DNM1: variants seen among roughly 807,000 people sequenced by gnomAD.
The protein encoded by DNM1 is dynamin 1.
A neutral mutation model predicts 104.6 loss-of-function variants in DNM1; 29 were observed. That is an observed-to-expected ratio of 0.28 (90% CI 0.21 to 0.38). The LOEUF (loss-of-function observed/expected upper bound fraction) is 0.38. Among genes scored for constraint, DNM1 ranks in the 10% least tolerant of loss-of-function variants. The probability of loss-of-function intolerance (pLI) is 1.00; values close to 1 mark genes in which losing one functional copy is unlikely to be tolerated. For missense variants in DNM1, 640 were observed against 1,189.4 expected (o/e 0.54, Z 6.79); for synonymous variants, 445 against 475.8 (o/e 0.94, Z 0.84).
intron 10 of DNM1, among the ~76,000 whole-genome samples, chr9:128,228,124 C>T (rs777961051): frequency 6.6e-6 from 1 of 152,116 alleles, no homozygotes; most frequent in Non-Finnish European, 1.5e-5. Context: ...TCACTGCAAC[C>T]TCCACCTCTC....
At chr9:128,215,733 C>G (rs1471848053) in intron 1 of DNM1, among the ~76,000 whole-genome samples, 3 of 152,190 alleles carry the variant, frequency 2.0e-5, no homozygotes, top group Admixed American at 6.5e-5. Flanking sequence ...AGAGGCCTCT[C>G]AGGGAAGAAC....
intron 10 of DNM1, 195 bp from the exon 11 acceptor site, chr9:128,233,826 C>T: frequency 1.7e-6 from 1 of 592,616 alleles, no homozygotes; most frequent in South Asian, 2.0e-5. Flanking sequence ...ATTTGGAACC[C>T]ACACTTGGGG....
intron 10 of DNM1, 154 bp from the exon 11 acceptor site, chr9:128,233,867 G>A (rs1835844194): frequency 3.0e-6 from 2 of 661,664 alleles, no homozygotes; most frequent in Admixed American, 5.0e-5. Flanking sequence ...GGTGCCATCA[G>A]CGTCCTGGGA....
At chr9:128,216,590 A>G (rs1834618239) in intron 1 of DNM1, among the ~76,000 whole-genome samples, 1 of 152,190 alleles carries the variant, frequency 6.6e-6, no homozygotes, top group Non-Finnish European at 1.5e-5. Flanking sequence ...AGGGCTTACC[A>G]TCCTTCTCCT....
chr9:128,206,331 G>A (rs1833971337), intron 1 of DNM1, among the ~76,000 whole-genome samples: 1 of 152,172 alleles, frequency 6.6e-6, no homozygotes, highest in South Asian at 2.1e-4. Context: ...GCTAGAACTT[G>A]TCTGGGTCTA....
At chr9:128,227,801 G>A (rs978274916) in intron 10 of DNM1, among the ~76,000 whole-genome samples, 1 of 151,820 alleles carries the variant, frequency 6.6e-6, no homozygotes, top group Non-Finnish European at 1.5e-5. Flanking sequence ...CTTCACAAAC[G>A]ATGTTACAAT....
At chr9:128,233,871 C>T in intron 10 of DNM1, 150 bp from the exon 11 acceptor site, 1 of 686,840 alleles carries the variant, frequency 1.5e-6, no homozygotes, top group Non-Finnish European at 2.5e-6. Context: ...CCATCAGCGT[C>T]CTGGGACCCT....
At chr9:128,244,996 G>A in intron 15 of DNM1, 2 of 281,224 alleles carry the variant, frequency 7.1e-6, no homozygotes, top group Non-Finnish European at 1.5e-5. Context: ...GACGTGGCAG[G>A]GGTGAGCGGG....
At chr9:128,250,700 G>T (rs1260301100) in intron 20 of DNM1, 25 bp from the exon 21 acceptor site, 7 of 1,456,738 alleles carry the variant, frequency 4.8e-6, no homozygotes, top group Non-Finnish European at 5.4e-6. Context: ...GCCTCTCCTT[G>T]TTCCTCGCTC....
At chr9:128,252,799 C>G (rs1156749751) in intron 21 of DNM1, 2 of 643,354 alleles carry the variant, frequency 3.1e-6, no homozygotes, top group African/African-American at 3.6e-5. Context: ...CCTCTGTGTG[C>G]GGGTGAGCTT....
chr9:128,212,736 G>A (rs1298266362), intron 1 of DNM1, among the ~76,000 whole-genome samples: 4 of 152,160 alleles, frequency 2.6e-5, no homozygotes, highest in East Asian at 1.9e-4. Context: ...TGCAAGAATC[G>A]ATCCAAAGGC....
chr9:128,212,458 C>T (rs533518323), intron 1 of DNM1, among the ~76,000 whole-genome samples: 67 of 151,314 alleles, frequency 4.4e-4, no homozygotes, highest in African/African-American at 1.3e-3. Flanking sequence ...CTGGGCAACA[C>T]GGCAAGACCC....
chr9:128,220,742 C>CGCGCGTGTGTGTGTGTGTGTGTGT lies in DNM1; in HGVS notation c.849+402_849+403insCGCGTGTGTGTGTGTGTGTGTGTG, dbSNP rs61020870. Among the ~76,000 whole-genome samples, 6 of 136,364 alleles carry CGCGCGTGTGTGTGTGTGTGTGTGT rather than the reference C, an allele frequency of 4.4e-5. No homozygotes were observed. The highest frequency in any genetic ancestry group is 1.3e-4 in the African/African-American group (5 of 37,810). The allele number at this position is 136,364 out of a possible 152,430, so 89.5% of individuals were successfully genotyped here. On this transcript the variant is annotated intron_variant, in intron 6 of 21. Transcript: ENST00000372923. The surrounding 1 kb of genome is among the most constrained non-coding windows in gnomAD (Gnocchi z 5.2). ...CAGAACTGAAGTGCGCGCGCGCGCG[C>CGCGCGTGTGTGTGTGTGTGTGTGT]GTGTGTGTGTGTGTGTGTGTGTGTG...
chr9:128,211,623 C>T (rs1390590632), intron 1 of DNM1, among the ~76,000 whole-genome samples: 2 of 152,104 alleles, frequency 1.3e-5, no homozygotes, highest in Admixed American at 1.3e-4. Context: ...CCTCCCACCT[C>T]AGCCTCCCAA....
Position 128,248,225 on chromosome 9 carries a change from G to A in DNM1, c.1905+290G>A. ...GCCTGTAATCCCAGCTACTCAGGAG[G>A]CTGAGGCAGGAGAATCGCTTGAACC... On this transcript the variant is annotated intron_variant, in intron 18 of 21. Transcript: ENST00000372923. This position sits in a 1 kb window ranked among gnomAD's most constrained non-coding sequence, Gnocchi z 5.6. The A allele has an allele frequency of 1.9e-6, 1 of 518,312 alleles. No individual in the cohort carries two copies. The highest frequency in any genetic ancestry group is 3.5e-6 in the Non-Finnish European group (1 of 287,948). 32.1% of individuals were successfully genotyped at this position (518,312 alleles called of 1,614,324 possible).
At position 128,224,168 on chromosome 9, in the gene DNM1, G is replaced by A; in HGVS notation, c.1197-83G>A. On this transcript the variant is annotated intron_variant, in intron 9 of 21. Coordinates refer to ENST00000372923, the MANE Select transcript of DNM1 (RefSeq NM_004408.4). The surrounding 1 kb of genome is among the most constrained non-coding windows in gnomAD (Gnocchi z 4.3). ...AAGGGCCCCTCAGGCAGAGTTCGTG[G>A]GCTTGGGGAGGAGCCTCGGCCTGGC... 3 of 1,528,778 alleles carry A rather than the reference G, an allele frequency of 2.0e-6. No individual in the cohort carries two copies. 94.7% of individuals were successfully genotyped at this position (1,528,778 alleles called of 1,614,324 possible).
chr9:128,234,141 TCCTTCCACTCCTGGCCGCCTGCG>T (rs1457718792), intron 11 of DNM1, 34 bp downstream of exon 11: 8 of 1,485,962 alleles, frequency 5.4e-6, no homozygotes, highest in Non-Finnish European at 7.2e-6. Flanking sequence ...GGCCGCGCCT[TCCTTCCACTCCTGGCCGCCTGCG>T]CCTTCCACTC....
chr9:128,204,633 G>A (rs1304262611), intron 1 of DNM1, among the ~76,000 whole-genome samples: 1 of 152,202 alleles, frequency 6.6e-6, no homozygotes, highest in East Asian at 1.9e-4. Context: ...TGAGGAGAGA[G>A]AAGAAAGATA....
chr9:128,249,730 T>C lies in DNM1; in HGVS notation c.2077-385T>C, dbSNP rs981633432. Among the ~76,000 whole-genome samples, 8 of 151,510 alleles carry C rather than the reference T, an allele frequency of 5.3e-5. No homozygotes were observed. In the East Asian group the frequency reaches 1.4e-3, roughly 26 times the overall value. On this transcript the variant is annotated intron_variant, in intron 19 of 21. Transcript: ENST00000372923. ...GTCCTAGCTACTGGAGAGGCTGACA[T>C]TGGAAGATAACTTTGAGCCCAGGAG... is the stretch of plus-strand genomic sequence containing the variant.
Sources: gnomAD v4.1 joint callset for allele counts (sites outside exome capture counted in the v4.1 genomes callset) on GRCh38, gnomAD v4.1.1 for gene constraint, Gnocchi (gnomAD v3.1) non-coding constraint, MANE v1.5 for transcripts, NCBI Gene and HGNC (gene_info 2026-07-23, HGNC 2026-07-21) for gene names.